The following DPF1 variants were observed in gnomAD, a reference collection of about 807,000 sequenced individuals.
DPF1 encodes the protein double PHD fingers 1, also known as zinc finger protein neuro-d4.
Under a neutral mutation model 58.7 loss-of-function variants are expected in DPF1, and 14 were observed. The ratio of observed to expected loss-of-function variants is 0.24; its 90% CI spans 0.16 to 0.37. The LOEUF (loss-of-function observed/expected upper bound fraction) is 0.37, where lower values mean the gene tolerates loss of function less well. Among genes scored for constraint, DPF1 ranks in the 10% least tolerant of loss-of-function variants. The probability of loss-of-function intolerance (pLI) is 1.00; values close to 1 mark genes in which losing one functional copy is unlikely to be tolerated. For synonymous variants in DPF1, 216 were observed against 216.0 expected, an observed-to-expected ratio of 1.00 and a Z score of 0.00; for missense variants, 345 against 529.9, an observed-to-expected ratio of 0.65 and a Z score of 3.43.
At chr19:38,221,772 A>C (rs1244223158) in intron 3 of DPF1, among the ~76,000 whole-genome samples, 1 of 151,940 alleles carries the variant, frequency 6.6e-6, no homozygotes, top group East Asian at 1.9e-4. Context: ...CAACATAGTA[A>C]CACCCTGCCT....
Position 38,217,864 on chromosome 19 carries a change from C to A in DPF1, c.529G>T (p.Gly177Trp). 6.2e-7 allele frequency: 1 copy of A among 1,614,076 alleles called. No homozygotes were observed. Among genetic ancestry groups the A allele is most frequent in the Non-Finnish European group, 8.5e-7 (1 of 1,179,996 alleles). Reference sequence around the variant, plus strand: ...GTGTCCTGGCGTTTCCGGAGACCCCCGATGCCATATGCCTGTGGGGAGAGT... The same window carrying A: ...GTGTCCTGGCGTTTCCGGAGACCCCAGATGCCATATGCCTGTGGGGAGAGT... Reference protein sequence around the residue: ...NRAKGKAYGIGGLRKRQDTAS... With the variant: ...NRAKGKAYGIWGLRKRQDTAS... The change falls in exon 6 of 12, where the codon GGG (glycine) becomes TGG (tryptophan). Residue 177 changes from glycine (G) to tryptophan (W), a missense_variant. Gly to Trp is a radical substitution (Grantham distance 184). Transcript: ENST00000355526.
chr19:38,226,529 CACACACACACT>C (rs1261478210), upstream of DPF1, among the ~76,000 whole-genome samples: 2 of 150,888 alleles, frequency 1.3e-5, no homozygotes, highest in African/African-American at 4.9e-5. Flanking sequence ...CACACACACA[CACACACACACT>C]CCTCTAGTCT....
At chr19:38,212,775 T>C (rs1368182618) in intron 10 of DPF1, among the ~76,000 whole-genome samples, 1 of 83,182 alleles carries the variant, frequency 1.2e-5, no homozygotes, top group Non-Finnish European at 2.1e-5. Flanking sequence ...CATGCACGAC[T>C]TTTTTTTTTT....
At position 38,211,891 on chromosome 19, in the gene DPF1, C is replaced by T. The variant is rs1393927790; in HGVS notation, c.*172G>A. On this transcript the variant is annotated 3_prime_UTR_variant, in exon 12 of 12. Transcript: ENST00000355526. The surrounding 1 kb of genome is among the most constrained non-coding windows in gnomAD (Gnocchi z 4.0). ...GGGAGAGGCCCTGGCCGGGCCCACCCACCCACAGGGCAGACATTCCACTTG... is the reference window on the plus strand; with the variant it reads ...GGGAGAGGCCCTGGCCGGGCCCACCTACCCACAGGGCAGACATTCCACTTG... The T allele has an allele frequency of 1.4e-6, 1 of 698,182 alleles. No homozygotes were observed. The highest frequency in any genetic ancestry group is 2.4e-6 in the Non-Finnish European group (1 of 424,792). The allele number at this position is 698,182 out of a possible 1,614,324, so 43.2% of individuals were successfully genotyped here.
rs1210218279 is a variant in DPF1 at position 38,219,016 on chromosome 19, C to A, written c.341G>T (p.Gly114Val). Residue 114 changes from glycine (G) to valine (V), a missense_variant, in exon 4 of 12, where the codon GGG becomes GTG. Coordinates refer to ENST00000355526, the MANE Select transcript of DPF1 (RefSeq NM_001135155.3). ...ACACAGTAGAGCCTCGAGGACCGGC[C>A]CTTCCGGGAGGCCACCCTCCTTCTT... is the stretch of plus-strand genomic sequence containing the variant. ...PLKKEGGLPE[G>V]PVLEALLCAE... is the part of the protein sequence containing the mutation. The A allele has an allele frequency of 6.2e-7, 1 of 1,614,184 alleles. No homozygotes were observed. The highest frequency in any genetic ancestry group is 1.7e-5 in the Admixed American group (1 of 60,022).
rs116491439 is a variant in DPF1, at chr19:38,223,057, T to G, written c.30-349A>C. ...ACACACAAAGAGAGACAAATCCCAA[T>G]ACTCACAAAGGAGAAACAGACAAAC... On this transcript the variant is annotated intron_variant, in intron 1 of 11. Transcript: ENST00000355526. The G allele has an allele frequency of 9.3e-3, 2,656 of 285,678 alleles. 65 individuals carry two copies. The highest frequency in any genetic ancestry group is 0.055 in the African/African-American group (2,464 of 45,146). The allele number at this position is 285,678 out of a possible 1,614,324, so 17.7% of individuals were successfully genotyped here. A position where few individuals can be genotyped will look rare whatever the true frequency, so the allele number is the denominator to read the frequency against.
chr19:38,212,885 T>A (rs1973561831), intron 10 of DPF1, among the ~76,000 whole-genome samples: 1 of 150,868 alleles, frequency 6.6e-6, no homozygotes, highest in East Asian at 1.9e-4. Context: ...AGTGCTGGGA[T>A]TACACAGGTG....
rs747794245 is a variant in DPF1 at position 38,222,470 on chromosome 19, G to A, written c.191-6C>T. 53 of 1,582,722 alleles carry A rather than the reference G, an allele frequency of 3.3e-5. No individual in the cohort carries two copies. Among genetic ancestry groups the A allele is most frequent in the Non-Finnish European group, 4.4e-5 (51 of 1,170,334 alleles). On this transcript the variant is annotated splice_polypyrimidine_tract_variant and splice_region_variant and intron_variant, in intron 2 of 11. Transcript: ENST00000355526. This position sits in a 1 kb window ranked among gnomAD's most constrained non-coding sequence, Gnocchi z 4.9. ...AATCTGTCCCGGGGCCAAACCTGGA[G>A]AGAGAGGGGGGTGAGAGGGCGGCGG... is the stretch of plus-strand genomic sequence containing the variant.
At chr19:38,215,494 A>AAAAAC (rs151122599) in intron 9 of DPF1, among the ~76,000 whole-genome samples, 4 of 150,158 alleles carry the variant, frequency 2.7e-5, no homozygotes, top group Non-Finnish European at 4.4e-5. Flanking sequence ...CTCTGTCTCA[A>AAAAAC]AAAACAAAAC....
chr19:38,220,425 T>C (rs1365380720), intron 3 of DPF1, among the ~76,000 whole-genome samples: 3 of 151,560 alleles, frequency 2.0e-5, no homozygotes, highest in East Asian at 2.0e-4. Context: ...ATCGAGACCA[T>C]CCTGGCTAAC....
upstream of DPF1, among the ~76,000 whole-genome samples, chr19:38,225,571 A>AAAGC (rs1967781446): frequency 5.2e-5 from 6 of 115,486 alleles, no homozygotes; most frequent in Admixed American, 1.8e-4. Flanking sequence ...TCTGTCTCTA[A>AAAGC]AAGCAAACAA....
Position 38,222,684 on chromosome 19 carries a change from C to T in DPF1, c.54G>A (p.Glu18=). ...TGTAACTGCGGCAGTGCTCGATGGC[C>T]TCGCGGTAGAAGTCCTCGCCTAGGC... The part of the protein sequence containing the change: ...PLSLGEDFYR[E]AIEHCRSYNA... Residue 18 remains glutamate, a synonymous_variant, in exon 2 of 12, where the codon GAG becomes GAA. Coordinates refer to ENST00000355526, the MANE Select transcript of DPF1 (RefSeq NM_001135155.3). This position sits in a 1 kb window ranked among gnomAD's most constrained non-coding sequence, Gnocchi z 4.9. The T allele has an allele frequency of 6.2e-7, 1 of 1,603,752 alleles. No homozygotes were observed.
At chr19:38,219,314 C>G (rs911577917) in intron 3 of DPF1, 1 of 514,636 alleles carries the variant, frequency 1.9e-6, no homozygotes. Flanking sequence ...CACAGTTAGG[C>G]CATCAGGCAC....
At chr19:38,221,184 A>C (rs1230985361) in intron 3 of DPF1, among the ~76,000 whole-genome samples, 1 of 152,132 alleles carries the variant, frequency 6.6e-6, no homozygotes, top group African/African-American at 2.4e-5. Context: ...AGACACTGAG[A>C]CATCCAGACG....
chr19:38,218,584 C>T lies in DPF1; in HGVS notation c.505G>A (p.Ala169Thr). The change falls in exon 5 of 12, where the codon GCC becomes ACC. Residue 169 changes from alanine (A) to threonine (T), a missense_variant. By Grantham distance (58) the Ala-to-Thr change is moderately conservative. Transcript: ENST00000355526. Reference sequence around the variant, plus strand: ...GCTTGGGGTGATACCTTTCCTTTGGCCCTGTTCTTCCTCCTGGGAATGTCA... The same window carrying T: ...GCTTGGGGTGATACCTTTCCTTTGGTCCTGTTCTTCCTCCTGGGAATGTCA... Reference protein sequence around the residue: ...EDDIPRRKNRAKGKAYGIGGL... With the variant: ...EDDIPRRKNRTKGKAYGIGGL... The T allele has an allele frequency of 6.2e-7, 1 of 1,614,132 alleles. No homozygotes were observed. Among genetic ancestry groups the T allele is most frequent in the Non-Finnish European group, 8.5e-7 (1 of 1,180,022 alleles).
chr19:38,218,861 G>A, intron 4 of DPF1, 70 bp downstream of exon 4: 1 of 1,594,840 alleles, frequency 6.3e-7, no homozygotes, highest in Non-Finnish European at 8.5e-7. Context: ...AGGAACGTGA[G>A]GGCCCGGGCT....
At chr19:38,213,494 G>C in intron 10 of DPF1, 150 bp downstream of exon 10, 2 of 659,382 alleles carry the variant, frequency 3.0e-6, no homozygotes, top group Non-Finnish European at 2.6e-6. Flanking sequence ...AAAAGGGCCA[G>C]GTTCGATTTA....
chr19:38,222,772 C>G lies in DPF1; in HGVS notation c.30-64G>C. ...GGCAGGCGCACAGGGTCGCCCAGCA[C>G]CCCTTCCCCGGCTGCCGGGCCGCCC... On this transcript the variant is annotated intron_variant, in intron 1 of 11. Coordinates refer to ENST00000355526, the MANE Select transcript of DPF1 (RefSeq NM_001135155.3). The surrounding 1 kb of genome is among the most constrained non-coding windows in gnomAD (Gnocchi z 4.9). 6.9e-7 allele frequency: 1 copy of G among 1,450,320 alleles called. No homozygotes were observed. The highest frequency in any genetic ancestry group is 1.5e-5 in the African/African-American group (1 of 67,522). The allele number at this position is 1,450,320 out of a possible 1,614,324, so 89.8% of individuals were successfully genotyped here. A position where few individuals can be genotyped will look rare whatever the true frequency, so the allele number is the denominator to read the frequency against.
intron 9 of DPF1, among the ~76,000 whole-genome samples, chr19:38,214,827 C>T (rs373804198): frequency 6.8e-6 from 1 of 146,222 alleles, no homozygotes; most frequent in African/African-American, 2.5e-5. Flanking sequence ...AAACTATGCC[C>T]AGCCTTTTTT....
Sources: gnomAD v4.1 joint callset for allele counts (sites outside exome capture counted in the v4.1 genomes callset) on GRCh38, gnomAD v4.1.1 for gene constraint, Gnocchi (gnomAD v3.1) non-coding constraint, MANE v1.5 for transcripts, NCBI Gene and HGNC (gene_info 2026-07-23, HGNC 2026-07-21) for gene names.